PKHD1: variants seen among roughly 807,000 people sequenced by gnomAD.
PKHD1 encodes PKHD1 ciliary IPT domain containing fibrocystin/polyductin, also known as fibrocystin.
Under a neutral mutation model 412.0 loss-of-function variants are expected in PKHD1, and 291 were observed. That is an observed-to-expected ratio of 0.71 (90% CI 0.64 to 0.78). The LOEUF is 0.78. Ranked by LOEUF, PKHD1 falls within the 30% of genes least tolerant of loss-of-function variation. The probability of loss-of-function intolerance (pLI) is 0.00; values close to 1 mark genes in which losing one functional copy is unlikely to be tolerated. For synonymous variants in PKHD1, 1,777 were observed against 1,821.5 expected (o/e 0.98, Z 0.62); for missense variants, 4,825 against 4,950.7 (o/e 0.97, Z 0.76).
At chr6:51,650,027 G>A (rs142225076) in intron 61 of PKHD1, among the ~76,000 whole-genome samples, 2 of 152,246 alleles carry the variant, frequency 1.3e-5, no homozygotes, top group East Asian at 1.9e-4. Flanking sequence ...TGAAGAAACT[G>A]AGGTCCAAAA....
At chr6:51,667,595 G>T (rs1434588591) in intron 60 of PKHD1, among the ~76,000 whole-genome samples, 108 of 151,884 alleles carry the variant, frequency 7.1e-4, no homozygotes, top group Admixed American at 6.3e-3. Flanking sequence ...ATTGCTTTTG[G>T]TGTTTTAGAC....
At chr6:51,888,378 AT>A (rs1294836248) in intron 43 of PKHD1, among the ~76,000 whole-genome samples, 2 of 152,216 alleles carry the variant, frequency 1.3e-5, no homozygotes, top group Non-Finnish European at 2.9e-5. Flanking sequence ...AGTACCTACA[AT>A]ATGTTCATCC....
chr6:51,823,682 CA>C (rs747372286), intron 52 of PKHD1, among the ~76,000 whole-genome samples: 42 of 152,180 alleles, frequency 2.8e-4, no homozygotes, highest in Non-Finnish European at 5.4e-4. Context: ...TATTCTGTCA[CA>C]GGGAAAAATG....
rs76012218 is a variant in PKHD1, at chr6:52,065,043, T to A, written c.888A>T (p.Pro296=). 2,557 of 1,581,134 alleles carry A rather than the reference T, an allele frequency of 1.6e-3. 33 individuals carry two copies. The African/African-American group carries it at 0.03, about 18-fold the overall frequency. Residue 296 remains proline, a synonymous_variant, in exon 13 of 67, where the codon CCA becomes CCT. Transcript: ENST00000371117. ...TGGGAGACACGTGTCTAATATCACATGGAATGCCTAAAGCGAATTAAAGAA... is the reference window on the plus strand; with the variant it reads ...TGGGAGACACGTGTCTAATATCACAAGGAATGCCTAAAGCGAATTAAAGAA... ...NSAQVTIAGI[P]CDIRHVSPRK... is the part of the protein sequence containing the mutation.
At chr6:51,995,952 C>T (rs1197739026) in intron 35 of PKHD1, among the ~76,000 whole-genome samples, 1 of 152,070 alleles carries the variant, frequency 6.6e-6, no homozygotes, top group Non-Finnish European at 1.5e-5. Flanking sequence ...TCAGACAATG[C>T]CTGGGACCCT....
At chr6:51,636,703 G>A (rs752099287) in intron 64 of PKHD1, among the ~76,000 whole-genome samples, 23 of 152,184 alleles carry the variant, frequency 1.5e-4, no homozygotes, top group Non-Finnish European at 2.1e-4. Context: ...GTGAATATAC[G>A]CTGCTTTCCC....
At chr6:52,080,094 C>T in intron 4 of PKHD1, 86 bp from the exon 5 acceptor site, 1 of 809,328 alleles carries the variant, frequency 1.2e-6, no homozygotes, top group African/African-American at 1.7e-5. Context: ...AAATTTCCTC[C>T]TTGCACTTTT....
At chr6:51,895,659 A>G (rs1181368824) in intron 43 of PKHD1, among the ~76,000 whole-genome samples, 3 of 152,156 alleles carry the variant, frequency 2.0e-5, no homozygotes, top group African/African-American at 7.2e-5. Flanking sequence ...AGGTCACCGG[A>G]GGAGCCAAGA....
intron 57 of PKHD1, among the ~76,000 whole-genome samples, chr6:51,751,400 C>G (rs1786093711): frequency 6.6e-6 from 1 of 152,084 alleles, no homozygotes; most frequent in South Asian, 2.1e-4. Context: ...CAGAAAAAAA[C>G]TGATAAAATT....
At chr6:51,836,602 T>C (rs1769270800) in intron 50 of PKHD1, 133 bp from the exon 51 acceptor site, 1 of 695,098 alleles carries the variant, frequency 1.4e-6, no homozygotes, top group Admixed American at 2.2e-5. Flanking sequence ...AATGAAATCC[T>C]TGTTAGTTAA....
intron 36 of PKHD1, among the ~76,000 whole-genome samples, chr6:51,953,962 T>C (rs987317616): frequency 7.2e-5 from 11 of 152,232 alleles, no homozygotes; most frequent in African/African-American, 2.6e-4. Flanking sequence ...CACTTCAATA[T>C]GCATTCTGAA....
chr6:51,998,711 T>C (rs1332346925), intron 35 of PKHD1, among the ~76,000 whole-genome samples: 1 of 152,210 alleles, frequency 6.6e-6, no homozygotes, highest in Non-Finnish European at 1.5e-5. Context: ...GTATATACCC[T>C]TCAGGGTAGT....
chr6:51,918,532 T>C (rs1051648438), intron 37 of PKHD1, among the ~76,000 whole-genome samples: 7 of 152,212 alleles, frequency 4.6e-5, no homozygotes, highest in Non-Finnish European at 8.8e-5. Context: ...ACTCATCCTT[T>C]TTTATGGCTG....
chr6:51,764,017 G>A (rs900555422), intron 55 of PKHD1, among the ~76,000 whole-genome samples: 2 of 147,838 alleles, frequency 1.4e-5, no homozygotes, highest in African/African-American at 5.0e-5. Context: ...AGTTACATAT[G>A]TATACATGTG....
At chr6:52,071,815 T>C (rs919743372) in intron 8 of PKHD1, among the ~76,000 whole-genome samples, 8 of 152,128 alleles carry the variant, frequency 5.3e-5, no homozygotes, top group Admixed American at 2.0e-4. Context: ...CTCCCAAGAT[T>C]ATTGGGTGAC....
At chr6:51,625,351 A>G (rs1767098619) in intron 66 of PKHD1, among the ~76,000 whole-genome samples, 1 of 152,212 alleles carries the variant, frequency 6.6e-6, no homozygotes. Context: ...ACCAATAAGT[A>G]GGTGTTTCAT....
intron 46 of PKHD1, among the ~76,000 whole-genome samples, chr6:51,874,352 C>T (rs1740786846): frequency 6.6e-6 from 1 of 152,130 alleles, no homozygotes; most frequent in African/African-American, 2.4e-5. Context: ...AAACTACGCA[C>T]CCAAACTAGG....
intron 52 of PKHD1, 86 bp downstream of exon 52, chr6:51,830,775 C>A: frequency 1.5e-6 from 2 of 1,302,132 alleles, no homozygotes; most frequent in East Asian, 4.7e-5. Flanking sequence ...AAACTCTTTA[C>A]TGTGTTGTAC....
At chr6:52,008,294 C>T (rs2499486) in intron 35 of PKHD1, among the ~76,000 whole-genome samples, 85,348 of 152,056 alleles carry the variant, frequency 0.56, 24,586 homozygotes, top group Admixed American at 0.64. Flanking sequence ...ATGAACTGGC[C>T]GGTCTGTATG....
Sources: allele counts gnomAD v4.1 joint callset (sites outside exome capture counted in the v4.1 genomes callset), GRCh38; gene constraint gnomAD v4.1.1; transcripts MANE v1.5; gene names NCBI Gene and HGNC (gene_info 2026-07-23, HGNC 2026-07-21).